The following LRP6 variants were observed in gnomAD, a reference collection of about 807,000 sequenced individuals.
The protein encoded by LRP6 is LDL receptor related protein 6.
Under a neutral mutation model 184.1 loss-of-function variants are expected in LRP6, and 43 were observed. That is an observed-to-expected ratio of 0.23 (90% CI 0.18 to 0.30). LRP6 has a LOEUF of 0.30. LRP6 is among the 10% of genes least tolerant of loss of function. The probability of loss-of-function intolerance (pLI) is 1.00; values close to 1 mark genes in which losing one functional copy is unlikely to be tolerated. For synonymous variants in LRP6, 719 were observed against 684.9 expected, an observed-to-expected ratio of 1.05 and a Z score of -0.78; for missense variants, 1,571 against 2,005.3, an observed-to-expected ratio of 0.78 and a Z score of 4.14.
intron 1 of LRP6, among the ~76,000 whole-genome samples, chr12:12,252,213 T>C (rs1865341054): frequency 6.6e-6 from 1 of 152,172 alleles, no homozygotes; most frequent in African/African-American, 2.4e-5. Flanking sequence ...CGGTCACTTT[T>C]GGTTAAATAT....
chr12:12,161,287 A>G (rs1862735468), intron 10 of LRP6, among the ~76,000 whole-genome samples: 1 of 151,886 alleles, frequency 6.6e-6, no homozygotes, highest in Non-Finnish European at 1.5e-5. Context: ...TTTTTTTCCA[A>G]GATGGAGTCT....
chr12:12,155,251 A>C (rs1950135242), intron 12 of LRP6: 21 of 736,042 alleles, frequency 2.9e-5, no homozygotes, highest in South Asian at 2.3e-4. Flanking sequence ...ATCTTCCAGT[A>C]ATTTGCCAAA....
rs201500315 is a variant in LRP6, at chr12:12,165,836, G to T, written c.1546-541C>A. On this transcript the variant is annotated intron_variant, in intron 7 of 22. Transcript: ENST00000261349. The stretch of plus-strand genomic sequence containing the variant: ...AGTAACAACAAAAAACAGATAAAAG[G>T]GATCTCAATAAATCTCTCATTCCTC... Among the ~76,000 whole-genome samples, 5 of 152,010 alleles carry T rather than the reference G, an allele frequency of 3.3e-5. No homozygotes were observed. The East Asian group carries it at 9.7e-4, about 29-fold the overall frequency.
Position 12,179,841 on chromosome 12 carries a change from T to C in LRP6, c.1514A>G (p.Tyr505Cys), listed in dbSNP as rs764096289. 5.0e-6 allele frequency: 8 copies of C among 1,613,786 alleles called. No homozygotes were observed. The South Asian group carries it at 6.6e-5, about 13-fold the overall frequency. The stretch of plus-strand genomic sequence containing the variant: ...CTTGTCTGTTTTGGCATCTCCCCAG[T>C]ATATTTTGCCTTCATCATAATCCAA... Reference protein sequence around the residue: ...LALDYDEGKIYWGDAKTDKIE... With the variant: ...LALDYDEGKICWGDAKTDKIE... The change falls in exon 7 of 23, where the codon TAC (tyrosine) becomes TGC (cysteine). Residue 505 changes from tyrosine (Y) to cysteine (C), a missense_variant. Around this residue, in one of 4 missense-constraint regions of LRP6, gnomAD observed 640 missense variants for 851.9 expected, o/e 0.75. Transcript: ENST00000261349.
At chr12:12,207,443 G>C (rs1864091665) in intron 2 of LRP6, among the ~76,000 whole-genome samples, 1 of 151,958 alleles carries the variant, frequency 6.6e-6, no homozygotes. Flanking sequence ...CTGAGGCAGG[G>C]GAATCGCCTG....
intron 2 of LRP6, among the ~76,000 whole-genome samples, chr12:12,212,625 A>G (rs963981969): frequency 1.3e-5 from 2 of 152,162 alleles, no homozygotes; most frequent in Non-Finnish European, 2.9e-5. Context: ...GATTCTATAT[A>G]ATCAGTCTCT....
At chr12:12,199,991 A>AAAAAAAAAC (rs1863872512) in intron 3 of LRP6, among the ~76,000 whole-genome samples, 1 of 148,810 alleles carries the variant, frequency 6.7e-6, no homozygotes, top group African/African-American at 2.5e-5. Context: ...AAAAAAAAAA[A>AAAAAAAAAC]AAAACACAAG....
intron 7 of LRP6, among the ~76,000 whole-genome samples, chr12:12,170,106 G>A (rs956867262): frequency 6.6e-6 from 1 of 152,108 alleles, no homozygotes; most frequent in Admixed American, 6.6e-5. Context: ...AGTCCAAGGC[G>A]GGTGGATCAC....
intron 7 of LRP6, among the ~76,000 whole-genome samples, chr12:12,175,337 C>T (rs914956103): frequency 4.6e-5 from 7 of 151,742 alleles, no homozygotes; most frequent in Non-Finnish European, 7.4e-5. Flanking sequence ...TGCTGTGAGC[C>T]GAGATCACGC....
At chr12:12,191,309 G>A (rs952547767) in intron 3 of LRP6, among the ~76,000 whole-genome samples, 1 of 152,162 alleles carries the variant, frequency 6.6e-6, no homozygotes, top group Non-Finnish European at 1.5e-5. Flanking sequence ...AAGTGTGCAT[G>A]ATTGGTACAG....
intron 2 of LRP6, among the ~76,000 whole-genome samples, chr12:12,224,701 T>C (rs1437839344): frequency 6.6e-6 from 1 of 152,224 alleles, no homozygotes; most frequent in East Asian, 1.9e-4. Context: ...ATGGGTTCAC[T>C]TACCCAGCTC....
intron 15 of LRP6, among the ~76,000 whole-genome samples, chr12:12,145,384 A>C (rs1466185939): frequency 2.6e-5 from 4 of 152,186 alleles, no homozygotes; most frequent in Non-Finnish European, 5.9e-5. Flanking sequence ...ACATACAAAA[A>C]TGTACATGAT....
At position 12,179,881 on chromosome 12, in the gene LRP6, G is replaced by T. The variant is rs766468146; in HGVS notation, c.1474C>A (p.Pro492Thr). The change falls in exon 7 of 23, where the codon CCA (proline) becomes ACA (threonine). Residue 492 changes from proline (P) to threonine (T), a missense_variant. Physicochemically the swap from Pro to Thr is conservative, Grantham distance 38. Transcript: ENST00000261349. Reference sequence around the variant, plus strand: ...TCATAATCCAAGGCTAAACCATTTGGCCAACCAAGAGAAGTGTTAACCAAT... The same window carrying T: ...TCATAATCCAAGGCTAAACCATTTGTCCAACCAAGAGAAGTGTTAACCAAT... Reference protein sequence around the residue: ...VVLVNTSLGWPNGLALDYDEG... With the variant: ...VVLVNTSLGWTNGLALDYDEG... 1 of 1,613,660 alleles carries T rather than the reference G, an allele frequency of 6.2e-7. No homozygotes were observed. The highest frequency in any genetic ancestry group is 1.7e-5 in the Admixed American group (1 of 59,976).
chr12:12,151,469 C>G (rs764878894), intron 12 of LRP6, among the ~76,000 whole-genome samples: 4 of 150,228 alleles, frequency 2.7e-5, no homozygotes, highest in Non-Finnish European at 3.0e-5. Flanking sequence ...AGGGCAAGAC[C>G]CATCTAAGGA....
chr12:12,208,274 G>A (rs1156776288), intron 2 of LRP6, among the ~76,000 whole-genome samples: 1 of 152,182 alleles, frequency 6.6e-6, no homozygotes, highest in African/African-American at 2.4e-5. Flanking sequence ...GGAGGAGTAA[G>A]GGATTGACTG....
chr12:12,158,685 C>T (rs1565576990), intron 12 of LRP6, 144 bp downstream of exon 12: 3 of 761,074 alleles, frequency 3.9e-6, no homozygotes, highest in Non-Finnish European at 4.3e-6. Context: ...GTAACAAACA[C>T]TTGCATTCCC....
At chr12:12,171,444 C>T (rs1420216133) in intron 7 of LRP6, among the ~76,000 whole-genome samples, 1 of 151,862 alleles carries the variant, frequency 6.6e-6, no homozygotes, top group Non-Finnish European at 1.5e-5. Context: ...ATGGCGTGAA[C>T]CCGGGAGGTG....
At chr12:12,215,245 G>A (rs552007287) in intron 2 of LRP6, among the ~76,000 whole-genome samples, 5 of 152,212 alleles carry the variant, frequency 3.3e-5, no homozygotes, top group East Asian at 1.9e-4. Flanking sequence ...AAAGTTTGAG[G>A]AGGGAAGGAC....
At chr12:12,234,863 C>T (rs770182566) in intron 2 of LRP6, among the ~76,000 whole-genome samples, 14 of 148,894 alleles carry the variant, frequency 9.4e-5, no homozygotes, top group Non-Finnish European at 1.5e-4. Flanking sequence ...ATTCTGAGAA[C>T]GGAGATATAA....
Sources: gnomAD v4.1 joint callset for allele counts (sites outside exome capture counted in the v4.1 genomes callset) on GRCh38, gnomAD v4.1.1 for gene constraint, gnomAD v4.1.1 regional missense constraint, MANE v1.5 for transcripts, NCBI Gene and HGNC (gene_info 2026-07-23, HGNC 2026-07-21) for gene names.